The following TMCC2 variants were observed in gnomAD, a reference collection of about 807,000 sequenced individuals.
TMCC2 encodes the protein transmembrane and coiled-coil domain family 2.
TMCC2 carries 16 observed loss-of-function variants against 49.4 expected under a neutral mutation model. The observed-to-expected ratio is 0.32, with a 90% confidence interval of 0.22 to 0.49. The LOEUF is 0.49. Among genes scored for constraint, TMCC2 ranks in the 20% least tolerant of loss-of-function variants. The pLI, the probability that TMCC2 is intolerant of heterozygous loss-of-function variation, is 0.99. For missense variants in TMCC2, 762 were observed against 989.8 expected (o/e 0.77, Z 3.09); for synonymous variants, 397 against 434.1 (o/e 0.91, Z 1.06).
Position 205,269,725 on chromosome 1 carries a change from C to T in TMCC2, c.1523C>T (p.Ala508Val). Residue 508 changes from alanine (A) to valine (V), a missense_variant, in exon 3 of 5, where the codon GCA (alanine) becomes GTA (valine). Physicochemically the swap from Ala to Val is moderately conservative, Grantham distance 64. This residue lies in a region of TMCC2 where 440 missense variants were observed against 636.7 expected (regional missense o/e 0.69). Transcript: ENST00000358024. Reference protein sequence around the residue: ...GGALGSPKSNALYGAPGNLDA... With the variant: ...GGALGSPKSNVLYGAPGNLDA... ...GCGCTGGGGAGCCCTAAGTCCAATG[C>T]ACTGTATGGTGCTCCTGGAAACCTG... The T allele has an allele frequency of 6.2e-7, 1 of 1,614,198 alleles. No homozygotes were observed. Among genetic ancestry groups the T allele is most frequent in the East Asian group, 2.2e-5 (1 of 44,888 alleles).
At chr1:205,242,600 A>C (rs1191673473) in intron 2 of TMCC2, among the ~76,000 whole-genome samples, 3 of 152,160 alleles carry the variant, frequency 2.0e-5, no homozygotes, top group Admixed American at 6.6e-5. Context: ...TCATGAATTT[A>C]TATATTCGTT....
intron 1 of TMCC2, chr1:205,229,545 C>CGGGGGGGGGGGGGGGGGGGGGGGGGGGGG (rs1241476015): frequency 1.1e-5 from 3 of 283,978 alleles, no homozygotes; most frequent in African/African-American, 2.0e-4. Flanking sequence ...TGTGAAGGGG[C>CGGGGGGGGGGGGGGGGGGGGGGGGGGGGG]GGGGGGGGGG....
At chr1:205,251,425 C>A (rs769698272) in intron 2 of TMCC2, among the ~76,000 whole-genome samples, 2 of 152,172 alleles carry the variant, frequency 1.3e-5, no homozygotes, top group Non-Finnish European at 2.9e-5. Flanking sequence ...CTCTTCCTTT[C>A]CATTTCCTCT....
chr1:205,266,812 G>A (rs575465825), intron 2 of TMCC2, among the ~76,000 whole-genome samples: 12 of 152,310 alleles, frequency 7.9e-5, no homozygotes, highest in Admixed American at 3.9e-4. Flanking sequence ...CTTGCCAGAC[G>A]TCATCTTGTA....
chr1:205,237,713 C>T (rs1298886929), intron 1 of TMCC2, among the ~76,000 whole-genome samples: 7 of 152,238 alleles, frequency 4.6e-5, no homozygotes, highest in East Asian at 1.9e-4. Flanking sequence ...GGGAGAAAGA[C>T]GGATGAAGCC....
At chr1:205,248,019 G>A (rs1176139138) in intron 2 of TMCC2, among the ~76,000 whole-genome samples, 1 of 152,214 alleles carries the variant, frequency 6.6e-6, no homozygotes, top group Non-Finnish European at 1.5e-5. Context: ...CTTGGTGATG[G>A]TAATTTGGCT....
At position 205,250,965 on chromosome 1, in the gene TMCC2, C is replaced by T. The variant is rs552606086; in HGVS notation, c.747+8921C>T. Among the ~76,000 whole-genome samples, 100 of 152,296 alleles carry T rather than the reference C, an allele frequency of 6.6e-4. 1 individual carries two copies. Among genetic ancestry groups the T allele is most frequent in the African/African-American group, 2.3e-3 (95 of 41,558 alleles). ...CTCCCCGGCTACCCAGCACGTTCTT[C>T]CCTGGATCTGCCACATCCCTGAGAT... On this transcript the variant is annotated intron_variant, in intron 2 of 4. Transcript: ENST00000358024.
chr1:205,256,417 G>C (rs2102581078), intron 2 of TMCC2: 1 of 1,550,918 alleles, frequency 6.4e-7, no homozygotes, highest in South Asian at 1.2e-5. Flanking sequence ...AGAGACTGCT[G>C]TGAGTTTCCC....
chr1:205,263,003 C>G (rs893748687), intron 2 of TMCC2, among the ~76,000 whole-genome samples: 1 of 152,018 alleles, frequency 6.6e-6, no homozygotes, highest in African/African-American at 2.4e-5. Flanking sequence ...CCGAGGTGTT[C>G]CAGCCTCGAA....
At chr1:205,256,496 C>CTTCT in intron 2 of TMCC2, 1 of 1,389,310 alleles carries the variant, frequency 7.2e-7, no homozygotes, top group Non-Finnish European at 1.0e-6. Context: ...GAAGCTAGTG[C>CTTCT]AGAAGTGGCC....
At position 205,272,276 on chromosome 1, in the gene TMCC2, G is replaced by T. The variant is rs1326456050; in HGVS notation, c.*152G>T. 1 of 1,392,590 alleles carries T rather than the reference G, an allele frequency of 7.2e-7. No individual in the cohort carries two copies. Among genetic ancestry groups the T allele is most frequent in the African/African-American group, 1.5e-5 (1 of 68,964 alleles). The allele number at this position is 1,392,590 out of a possible 1,614,324, so 86.3% of individuals were successfully genotyped here. A position where few individuals can be genotyped will look rare whatever the true frequency, so the allele number is the denominator to read the frequency against. On this transcript the variant is annotated 3_prime_UTR_variant, in exon 5 of 5. Coordinates refer to ENST00000358024, the MANE Select transcript of TMCC2 (RefSeq NM_014858.4). Reference sequence around the variant, plus strand: ...TGCCCCCTTCTCTGTACTTGCTTCTGTCTGACACCTTCTCCCTGTTGGCCT... The same window carrying T: ...TGCCCCCTTCTCTGTACTTGCTTCTTTCTGACACCTTCTCCCTGTTGGCCT...
At chr1:205,256,725 C>A (rs1660884704) in intron 2 of TMCC2, among the ~76,000 whole-genome samples, 1 of 152,182 alleles carries the variant, frequency 6.6e-6, no homozygotes, top group Non-Finnish European at 1.5e-5. Flanking sequence ...CAGGGAGCCC[C>A]CCTCCAGGCT....
chr1:205,268,803 G>A (rs1347820059), intron 2 of TMCC2, 147 bp from the exon 3 acceptor site: 10 of 733,904 alleles, frequency 1.4e-5, no homozygotes, highest in Non-Finnish European at 2.2e-5. Context: ...GTAAGTGGCT[G>A]TCAGGGATAC....
chr1:205,257,359 C>T (rs2102583542), intron 2 of TMCC2: 2 of 1,232,278 alleles, frequency 1.6e-6, no homozygotes, highest in Middle Eastern at 3.1e-4. Flanking sequence ...GAAACAGTGC[C>T]CACACAGGTG....
chr1:205,229,614 G>GC, intron 1 of TMCC2: 1 of 983,690 alleles, frequency 1.0e-6, no homozygotes, highest in Non-Finnish European at 1.2e-6. Context: ...GGAGCCAGAG[G>GC]TTAAGATAGT....
Position 205,268,814 on chromosome 1 carries a change from T to C in TMCC2, c.748-136T>C, listed in dbSNP as rs1029986044. The C allele has an allele frequency of 2.0e-5, 16 of 803,642 alleles. No individual in the cohort carries two copies. The African/African-American group carries it at 2.6e-4, about 13-fold the overall frequency. 49.8% of individuals were successfully genotyped at this position (803,642 alleles called of 1,614,324 possible). A position where few individuals can be genotyped will look rare whatever the true frequency, so the allele number is the denominator to read the frequency against. ...CTGTGTAAGTGGCTGTCAGGGATAC[T>C]GCTCTTGTGGTGGTTGTCTTCTTTT... On this transcript the variant is annotated intron_variant, in intron 2 of 4. Coordinates refer to ENST00000358024, the MANE Select transcript of TMCC2 (RefSeq NM_014858.4).
intron 2 of TMCC2, chr1:205,267,798 G>C (rs960974599): frequency 1.2e-6 from 1 of 863,278 alleles, no homozygotes; most frequent in Non-Finnish European, 1.4e-6. Flanking sequence ...CTGCCCGCCT[G>C]GTGGGGAGTG....
At chr1:205,229,099 C>T in intron 1 of TMCC2, 1 of 1,173,670 alleles carries the variant, frequency 8.5e-7, no homozygotes, top group Non-Finnish European at 1.1e-6. Context: ...AAAAAGTGGA[C>T]AGCAGGTGAC....
intron 1 of TMCC2, chr1:205,229,910 C>T (rs1355933312): frequency 1.0e-6 from 1 of 985,334 alleles, no homozygotes; most frequent in East Asian, 1.1e-4. Context: ...ACTGCAGGCT[C>T]AGGCTTCTCA....
Sources: gnomAD v4.1 joint callset for allele counts (sites outside exome capture counted in the v4.1 genomes callset) on GRCh38, gnomAD v4.1.1 for gene constraint, gnomAD v4.1.1 regional missense constraint, MANE v1.5 for transcripts, NCBI Gene and HGNC (gene_info 2026-07-23, HGNC 2026-07-21) for gene names.